Variants in RFC1 observed in about 807,000 individuals in gnomAD.
RFC1 encodes the protein replication factor C subunit 1.
Under a neutral mutation model 137.4 loss-of-function variants are expected in RFC1, and 37 were observed. That is an observed-to-expected ratio of 0.27 (90% CI 0.21 to 0.35). RFC1 has a LOEUF of 0.35. Among genes scored for constraint, RFC1 ranks in the 10% least tolerant of loss-of-function variants. The pLI is 1.00. For missense variants in RFC1, 1,205 were observed against 1,358.5 expected, an observed-to-expected ratio of 0.89 and a Z score of 1.78; for synonymous variants, 429 against 455.7, an observed-to-expected ratio of 0.94 and a Z score of 0.75.
intron 23 of RFC1, among the ~76,000 whole-genome samples, chr4:39,291,242 TAAGAAA>T (rs919435779): frequency 2.0e-5 from 3 of 152,306 alleles, no homozygotes; most frequent in Admixed American, 6.5e-5. Context: ...TTAGGTAGAC[TAAGAAA>T]AAGAAAATTT....
intron 1 of RFC1, among the ~76,000 whole-genome samples, chr4:39,351,788 C>T (rs995201627): frequency 3.3e-5 from 5 of 151,764 alleles, no homozygotes; most frequent in Non-Finnish European, 5.9e-5. Context: ...ATGGTGAAAC[C>T]CCGTTTCTAC....
chr4:39,354,848 G>A (rs537960929), intron 1 of RFC1, among the ~76,000 whole-genome samples: 2 of 149,846 alleles, frequency 1.3e-5, no homozygotes, highest in Admixed American at 6.7e-5. Context: ...TTTGGAGGCC[G>A]AGGCAGTTGG....
At position 39,312,817 on chromosome 4, in the gene RFC1, T is replaced by G. The variant is rs1461537999; in HGVS notation, c.1318A>C (p.Asn440His). 6.2e-7 allele frequency: 1 copy of G among 1,614,132 alleles called. No individual in the cohort carries two copies. Among genetic ancestry groups the G allele is most frequent in the South Asian group, 1.1e-5 (1 of 91,088 alleles). The stretch of plus-strand genomic sequence containing the variant: ...AGATAATTTGTTTTCTTGCTGACAT[T>G]TCCTGTTACTTTTCCCCCATAACGT... The part of the protein sequence containing the change: ...IERYGGKVTG[N>H]VSKKTNYLVM... The change falls in exon 11 of 25, where the codon AAT becomes CAT. Residue 440 changes from asparagine (N) to histidine (H), a missense_variant. This residue lies in a region of RFC1 where 962 missense variants were observed against 1,035.3 expected (regional missense o/e 0.93). Coordinates refer to ENST00000349703, the MANE Select transcript of RFC1 (RefSeq NM_002913.5).
At chr4:39,331,381 A>T (rs1318176760) in intron 4 of RFC1, among the ~76,000 whole-genome samples, 1 of 152,196 alleles carries the variant, frequency 6.6e-6, no homozygotes, top group South Asian at 2.1e-4. Context: ...CACTACACTT[A>T]GCCGTGCTTA....
chr4:39,338,423 GAAGT>G lies in RFC1; in HGVS notation c.331+3918_331+3921del, dbSNP rs1344462244. ...ATTGTTTATAAAGCACTATGCAATAGAAGTAAAATGCAAGCCACATATAAAATTT... is the reference window on the plus strand; with the variant it reads ...ATTGTTTATAAAGCACTATGCAATAGAAAATGCAAGCCACATATAAAATTT... On this transcript the variant is annotated intron_variant, in intron 4 of 24. Coordinates refer to ENST00000349703, the MANE Select transcript of RFC1 (RefSeq NM_002913.5). Among the ~76,000 whole-genome samples the G allele has an allele frequency of 1.6e-4, 24 of 152,226 alleles. No homozygotes were observed. In the East Asian group the frequency reaches 3.7e-3, roughly 23 times the overall value.
chr4:39,289,417 A>G (rs1401903875), intron 24 of RFC1: 1 of 176,816 alleles, frequency 5.7e-6, no homozygotes, highest in African/African-American at 2.4e-5. Flanking sequence ...CCAGCTGTAC[A>G]CAGCAGGCTG....
rs1184141409 is a variant in RFC1, at chr4:39,345,395, T to C, written c.208+6A>G. ...AATTTTAAAGCTCCTCAGAAGAAATTATTACCTGAATCATAGATGATCCTC... is the reference window on the plus strand; with the variant it reads ...AATTTTAAAGCTCCTCAGAAGAAATCATTACCTGAATCATAGATGATCCTC... On this transcript the variant is annotated splice_donor_region_variant and intron_variant, in intron 3 of 24. Transcript: ENST00000349703. The C allele has an allele frequency of 1.2e-6, 2 of 1,612,228 alleles. No individual in the cohort carries two copies. Among genetic ancestry groups the C allele is most frequent in the Admixed American group, 1.7e-5 (1 of 59,872 alleles).
intron 21 of RFC1, among the ~76,000 whole-genome samples, chr4:39,299,486 G>A (rs543717484): frequency 2.2e-4 from 33 of 151,742 alleles, no homozygotes; most frequent in African/African-American, 3.9e-4. Context: ...GGTGACGGGC[G>A]CCTGTAGTCC....
intron 14 of RFC1, 133 bp downstream of exon 14, chr4:39,306,459 G>GA (rs983699480): frequency 3.6e-6 from 2 of 560,308 alleles, no homozygotes; most frequent in African/African-American, 3.9e-5. Flanking sequence ...TTTTATCTTA[G>GA]AAAAATAAAC....
intron 6 of RFC1, among the ~76,000 whole-genome samples, chr4:39,324,971 G>T (rs951269857): frequency 3.9e-5 from 6 of 152,094 alleles, no homozygotes; most frequent in Non-Finnish European, 7.4e-5. Context: ...TACTTTCTTT[G>T]GCTTCTGTAA....
At chr4:39,354,281 T>C (rs1481983703) in intron 1 of RFC1, among the ~76,000 whole-genome samples, 1 of 152,224 alleles carries the variant, frequency 6.6e-6, no homozygotes, top group Non-Finnish European at 1.5e-5. Context: ...ATCTGAGGTA[T>C]AAACATCTAA....
chr4:39,355,096 A>ATACACGC (rs59993299), intron 1 of RFC1, among the ~76,000 whole-genome samples: 1 of 60,160 alleles, frequency 1.7e-5, no homozygotes, highest in Non-Finnish European at 3.2e-5. Context: ...AAAAAAAAAA[A>ATACACGC]ATACACACAC....
chr4:39,329,011 C>A (rs944596422), intron 4 of RFC1, among the ~76,000 whole-genome samples: 2 of 148,060 alleles, frequency 1.4e-5, no homozygotes, highest in Non-Finnish European at 3.0e-5. Flanking sequence ...AAAGTTTCCA[C>A]AAAACATCTG....
intron 19 of RFC1, 44 bp from the exon 20 acceptor site, chr4:39,300,458 A>G: frequency 6.9e-7 from 1 of 1,445,538 alleles, no homozygotes; most frequent in Non-Finnish European, 9.7e-7. Context: ...GCCAAAATTC[A>G]AAACGGTAAC....
intron 5 of RFC1, 76 bp downstream of exon 5, chr4:39,327,448 C>T (rs1739830102): frequency 2.4e-6 from 2 of 822,126 alleles, no homozygotes; most frequent in Non-Finnish European, 3.7e-6. Flanking sequence ...CTATTTACTA[C>T]ATCCTAGTTT....
chr4:39,291,505 T>C (rs768121040), intron 23 of RFC1, 134 bp downstream of exon 23: 24 of 658,160 alleles, frequency 3.6e-5, no homozygotes, highest in African/African-American at 3.4e-4. Flanking sequence ...TTGGAAAATA[T>C]AGGCCATAAG....
intron 8 of RFC1, 48 bp from the exon 9 acceptor site, chr4:39,320,717 T>C (rs935592443): frequency 1.3e-6 from 2 of 1,500,878 alleles, no homozygotes; most frequent in Non-Finnish European, 1.8e-6. Flanking sequence ...AAAATGATAA[T>C]CTATATCAAC....
chr4:39,304,071 T>C (rs2109615611), intron 15 of RFC1, among the ~76,000 whole-genome samples: 1 of 152,346 alleles, frequency 6.6e-6, no homozygotes, highest in East Asian at 1.9e-4. Flanking sequence ...GTTGTACCAA[T>C]CTACCCTCCC....
chr4:39,354,749 C>CAAAAAAA (rs34342477), intron 1 of RFC1, among the ~76,000 whole-genome samples: 3 of 51,008 alleles, frequency 5.9e-5, no homozygotes, highest in East Asian at 6.9e-4. Flanking sequence ...GAAACTATCT[C>CAAAAAAA]AAAAAAAAAA....
Sources: gnomAD v4.1 joint callset for allele counts (sites outside exome capture counted in the v4.1 genomes callset) on GRCh38, gnomAD v4.1.1 for gene constraint, gnomAD v4.1.1 regional missense constraint, MANE v1.5 for transcripts, NCBI Gene and HGNC (gene_info 2026-07-23, HGNC 2026-07-21) for gene names.